RORC: variants seen among roughly 807,000 people sequenced by gnomAD.
RORC encodes nuclear receptor ROR-gamma.
RORC carries 13 observed loss-of-function variants against 64.5 expected under a neutral mutation model. That is an observed-to-expected ratio of 0.20 (90% confidence interval 0.13 to 0.32). RORC has a LOEUF of 0.32. Ranked by LOEUF, RORC falls within the 10% of genes least tolerant of loss-of-function variation. The pLI is 1.00. For synonymous variants in RORC, 277 were observed against 259.3 expected (o/e 1.07, Z -0.65); for missense variants, 468 against 669.5 (o/e 0.70, Z 3.32).
At position 151,806,535 on chromosome 1, in the gene RORC, G is replaced by A. The variant is rs1651317077; in HGVS notation, c.*937C>T. ...CCCCAGACCCAAGATCAGTGGACTG[G>A]AGCACCATGGAAATGTTTGGGAGGG... is the stretch of plus-strand genomic sequence containing the variant. On this transcript the variant is annotated 3_prime_UTR_variant, in exon 11 of 11. Transcript: ENST00000318247. The A allele has an allele frequency of 6.6e-6, 1 of 152,370 alleles. No homozygotes were observed. Among genetic ancestry groups the A allele is most frequent in the Non-Finnish European group, 1.5e-5 (1 of 68,050 alleles). The allele number at this position is 152,370 out of a possible 1,614,324, so 9.4% of individuals were successfully genotyped here. A position where few individuals can be genotyped will look rare whatever the true frequency, so the allele number is the denominator to read the frequency against.
At chr1:151,813,693 A>G in intron 6 of RORC, 73 bp from the exon 7 acceptor site, 2 of 1,544,248 alleles carry the variant, frequency 1.3e-6, no homozygotes, top group South Asian at 2.4e-5. Context: ...CTGGAGCCCC[A>G]CCTAATAAAC....
rs1265672426 is a variant in RORC, at chr1:151,830,006, A to G, written c.41-548T>C. ...TTTGTAATTTCATTGGAGGTGCACA[A>G]GAAATATCCTACAGCCAGAGTTAAA... On this transcript the variant is annotated intron_variant, in intron 1 of 10. Transcript: ENST00000318247. This position sits in a 1 kb window ranked among gnomAD's most constrained non-coding sequence, Gnocchi z 4.0. 6.6e-6 allele frequency among the ~76,000 whole-genome samples: 1 copy of G among 152,224 alleles called. No individual in the cohort carries two copies. Among genetic ancestry groups the G allele is most frequent in the Admixed American group, 6.5e-5 (1 of 15,282 alleles).
In RORC at chr1:151,825,888, G is replaced by A. The variant is rs754537790; in HGVS notation, c.70+3541C>T. 3.1e-6 allele frequency: 5 copies of A among 1,611,608 alleles called. No homozygotes were observed. The Admixed American group carries it at 5.0e-5, about 16-fold the overall frequency. ...CCTCCTTTCCAGAGGGGTGACGACA[G>A]GGTCCAGGCTCCCCCGCCCCCAGGT... On this transcript the variant is annotated intron_variant, in intron 2 of 10. Coordinates refer to ENST00000318247, the MANE Select transcript of RORC (RefSeq NM_005060.4).
chr1:151,819,938 G>C (rs1467161302), intron 2 of RORC, among the ~76,000 whole-genome samples: 1 of 152,176 alleles, frequency 6.6e-6, no homozygotes, highest in Non-Finnish European at 1.5e-5. Flanking sequence ...CAAAGACTCT[G>C]AGCTAGAATG....
At chr1:151,810,627 T>G (rs1651487771) in intron 10 of RORC, among the ~76,000 whole-genome samples, 1 of 150,438 alleles carries the variant, frequency 6.6e-6, no homozygotes, top group Non-Finnish European at 1.5e-5. Flanking sequence ...TGCCTCCCGG[T>G]TTCAAGCGAT....
chr1:151,809,970 A>G (rs1651455627), intron 10 of RORC, among the ~76,000 whole-genome samples: 1 of 152,040 alleles, frequency 6.6e-6, no homozygotes, highest in Non-Finnish European at 1.5e-5. Context: ...TTTGCCCCTG[A>G]CCTAATTTTC....
intron 2 of RORC, among the ~76,000 whole-genome samples, chr1:151,822,767 G>A (rs1652042702): frequency 6.6e-6 from 1 of 152,216 alleles, no homozygotes; most frequent in South Asian, 2.1e-4. Flanking sequence ...CCTTGTTACT[G>A]TCCCTCCCCC....
intron 2 of RORC, among the ~76,000 whole-genome samples, chr1:151,828,218 C>T (rs1652272673): frequency 6.6e-6 from 1 of 152,128 alleles, no homozygotes; most frequent in Non-Finnish European, 1.5e-5. Flanking sequence ...TGGCATTGGG[C>T]GAGATGGCAG....
At chr1:151,819,275 GC>G (rs1290872479) in intron 2 of RORC, among the ~76,000 whole-genome samples, 1 of 152,192 alleles carries the variant, frequency 6.6e-6, no homozygotes, top group African/African-American at 2.4e-5. Flanking sequence ...TTTCTTGTCA[GC>G]AAGATCAGGA....
chr1:151,828,775 C>CT (rs2101678330), intron 2 of RORC, among the ~76,000 whole-genome samples: 1 of 152,186 alleles, frequency 6.6e-6, no homozygotes, highest in African/African-American at 2.4e-5. Flanking sequence ...GGTCAAGAGT[C>CT]TGAGACCAGC....
intron 2 of RORC, among the ~76,000 whole-genome samples, chr1:151,820,119 C>T (rs1199598666): frequency 6.6e-6 from 1 of 152,172 alleles, no homozygotes; most frequent in East Asian, 1.9e-4. Flanking sequence ...ACTTCAGGCC[C>T]TCTAGTCCTG....
At position 151,816,670 on chromosome 1, in the gene RORC, G is replaced by A; in HGVS notation, c.292C>T (p.Arg98Ter). 2 of 1,604,312 alleles carry A rather than the reference G, an allele frequency of 1.2e-6. No homozygotes were observed. Among genetic ancestry groups the A allele is most frequent in the Middle Eastern group, 1.7e-4 (1 of 5,866 alleles). The change falls in exon 4 of 11, where the codon CGA becomes TGA. Residue 98 changes from arginine to a stop codon, truncating the protein, a stop_gained. Coordinates refer to ENST00000318247, the MANE Select transcript of RORC (RefSeq NM_005060.4). LOFTEE classifies it high-confidence loss of function. Reference protein sequence around the residue: ...LQKCLALGMSRDAVKFGRMSK... With the variant: ...LQKCLALGMS ...GCTGTCGACTTGGCCTCACCATCTCGGGACATGCCCAGCGCCAGGCATTTC... is the reference window on the plus strand; with the variant it reads ...GCTGTCGACTTGGCCTCACCATCTCAGGACATGCCCAGCGCCAGGCATTTC...
intron 2 of RORC, among the ~76,000 whole-genome samples, chr1:151,821,236 AG>A (rs1651984764): frequency 1.3e-5 from 2 of 152,006 alleles, no homozygotes; most frequent in Non-Finnish European, 2.9e-5. Context: ...TGCCACAGAG[AG>A]GAAGTGGTAG....
intron 9 of RORC, 88 bp downstream of exon 9, chr1:151,812,859 A>T: frequency 1.3e-6 from 1 of 799,804 alleles, no homozygotes; most frequent in Non-Finnish European, 2.1e-6. Context: ...TCCCAGATTT[A>T]ACTACATCTG....
In RORC at chr1:151,828,873, A is replaced by G. The variant is rs549905673; in HGVS notation, c.70+556T>C. 2.5e-3 allele frequency among the ~76,000 whole-genome samples: 373 copies of G among 151,734 alleles called. 1 individual carries two copies. Among genetic ancestry groups the G allele is most frequent in the South Asian group, 0.018 (85 of 4,788 alleles). ...GGGTGCCTGTAGTCCCAGCTACTCGAGAGGCTGAGGCAGGAGAATCGCTTG... is the reference window on the plus strand; with the variant it reads ...GGGTGCCTGTAGTCCCAGCTACTCGGGAGGCTGAGGCAGGAGAATCGCTTG... On this transcript the variant is annotated intron_variant, in intron 2 of 10. Transcript: ENST00000318247.
In RORC at chr1:151,813,829, G is replaced by A. The variant is rs531327319; in HGVS notation, c.934-209C>T. ...TGAGCACCTACCGGCTGCTGACACCGAGTTAGCTGTTGTGAGGGAATCCAA... is the reference window on the plus strand; with the variant it reads ...TGAGCACCTACCGGCTGCTGACACCAAGTTAGCTGTTGTGAGGGAATCCAA... On this transcript the variant is annotated intron_variant, in intron 6 of 10. Transcript: ENST00000318247. 34 of 575,688 alleles carry A rather than the reference G, an allele frequency of 5.9e-5. No individual in the cohort carries two copies. The Admixed American group carries it at 6.0e-4, about 10-fold the overall frequency. The allele number at this position is 575,688 out of a possible 1,614,324, so 35.7% of individuals were successfully genotyped here.
chr1:151,815,589 C>T (rs1315007507), intron 4 of RORC, among the ~76,000 whole-genome samples, 164 bp from the exon 5 acceptor site: 1 of 152,230 alleles, frequency 6.6e-6, no homozygotes, highest in Non-Finnish European at 1.5e-5. Context: ...AAGACCCCGT[C>T]CACCTCTCAC....
intron 2 of RORC, 28 bp downstream of exon 2, chr1:151,829,401 A>G: frequency 6.5e-7 from 1 of 1,537,828 alleles, no homozygotes; most frequent in Non-Finnish European, 8.7e-7. Context: ...TGCCCCAGCC[A>G]TTTTCTTGCC....
chr1:151,827,541 AC>A (rs1652242560), intron 2 of RORC, among the ~76,000 whole-genome samples: 1 of 151,094 alleles, frequency 6.6e-6, no homozygotes, highest in Admixed American at 6.6e-5. Flanking sequence ...CCCATCTTGG[AC>A]CCCCATCTTG....
Sources: allele counts gnomAD v4.1 joint callset (sites outside exome capture counted in the v4.1 genomes callset), GRCh38; gene constraint gnomAD v4.1.1; non-coding constraint Gnocchi (gnomAD v3.1); transcripts MANE v1.5; gene names NCBI Gene and HGNC (gene_info 2026-07-23, HGNC 2026-07-21).